Variants in PCSK5 observed in about 807,000 individuals in gnomAD.
PCSK5 encodes the protein prohormone convertase 5.
In PCSK5, 129 loss-of-function variants were observed where a neutral mutation model predicts 233.2. The observed-to-expected ratio is 0.55, with a 90% CI of 0.48 to 0.64. The LOEUF (loss-of-function observed/expected upper bound fraction) is 0.64, where lower values mean the gene tolerates loss of function less well. PCSK5 is among the 30% of genes least tolerant of loss of function. The pLI, the probability that PCSK5 is intolerant of heterozygous loss-of-function variation, is 0.00. For missense variants in PCSK5, 2,076 were observed against 2,430.1 expected, an observed-to-expected ratio of 0.85 and a Z score of 3.06; for synonymous variants, 825 against 879.2, an observed-to-expected ratio of 0.94 and a Z score of 1.09.
rs917524069 is a variant in PCSK5 at position 76,341,591 on chromosome 9, C to T, written c.4966+3144C>T. Among the ~76,000 whole-genome samples the T allele has an allele frequency of 6.6e-5, 10 of 152,284 alleles. No individual in the cohort carries two copies. The South Asian group carries it at 1.0e-3, about 16-fold the overall frequency. The stretch of plus-strand genomic sequence containing the variant: ...TTACAGGCGTGAGCCACTGCACTGG[C>T]CTGTCATCTTTCTTAGCATTCATTT... On this transcript the variant is annotated intron_variant, in intron 35 of 37. Transcript: ENST00000674117.
chr9:75,994,434 T>C (rs1826920722), intron 3 of PCSK5, among the ~76,000 whole-genome samples: 1 of 65,284 alleles, frequency 1.5e-5, no homozygotes, highest in Non-Finnish European at 3.1e-5. Context: ...TTTTTTTTTT[T>C]TTTTTTTTGA....
intron 24 of PCSK5, among the ~76,000 whole-genome samples, chr9:76,243,675 T>C (rs1312770252): frequency 6.6e-6 from 1 of 152,202 alleles, no homozygotes; most frequent in Admixed American, 6.5e-5. Context: ...TTGCTATGTA[T>C]ACACCTTTCT....
chr9:76,156,935 TGGAAAGATAGCTA>T lies in PCSK5; in HGVS notation c.1313-106_1313-94del. 4 of 723,686 alleles carry T rather than the reference TGGAAAGATAGCTA, an allele frequency of 5.5e-6. No individual in the cohort carries two copies. In the South Asian group the frequency reaches 6.4e-5, roughly 12 times the overall value. The allele number at this position is 723,686 out of a possible 1,614,324, so 44.8% of individuals were successfully genotyped here. ...CTGGATTTATTTCTCAAATCATTGC[TGGAAAGATAGCTA>T]GGATCCCATAGGGTGGTGTCTGGGG... is the stretch of plus-strand genomic sequence containing the variant. On this transcript the variant is annotated intron_variant, in intron 10 of 37. Transcript: ENST00000674117.
intron 2 of PCSK5, among the ~76,000 whole-genome samples, chr9:75,978,739 T>C (rs777492348): frequency 2.0e-5 from 3 of 152,232 alleles, no homozygotes; most frequent in Admixed American, 6.5e-5. Context: ...TCTTTTTTCA[T>C]AGAGTTTCAG....
At chr9:75,928,517 A>C (rs1210705421) in intron 1 of PCSK5, among the ~76,000 whole-genome samples, 1 of 149,108 alleles carries the variant, frequency 6.7e-6, no homozygotes, top group Non-Finnish European at 1.5e-5. Context: ...TGTTGAAAGA[A>C]TATAAAAGAT....
intron 3 of PCSK5, among the ~76,000 whole-genome samples, chr9:75,990,076 G>T (rs1826700386): frequency 1.3e-5 from 2 of 152,142 alleles, no homozygotes; most frequent in Non-Finnish European, 2.9e-5. Flanking sequence ...GTTCAAATGA[G>T]TCAAAGAAAG....
At chr9:76,334,575 A>T (rs1829625624) in intron 34 of PCSK5, among the ~76,000 whole-genome samples, 1 of 152,098 alleles carries the variant, frequency 6.6e-6, no homozygotes, top group South Asian at 2.1e-4. Context: ...TACTAAAAAT[A>T]CAAAAACTAG....
chr9:76,169,261 ATAGG>A (rs1055376139), intron 12 of PCSK5, among the ~76,000 whole-genome samples: 2 of 152,170 alleles, frequency 1.3e-5, no homozygotes, highest in Admixed American at 6.5e-5. Flanking sequence ...TCTTGTTTAA[ATAGG>A]TAGGAGGAGG....
chr9:76,344,179 C>G (rs1387899183), intron 35 of PCSK5, among the ~76,000 whole-genome samples: 1 of 152,120 alleles, frequency 6.6e-6, no homozygotes, highest in Non-Finnish European at 1.5e-5. Flanking sequence ...ACAGTAATAA[C>G]CTAGAGCAAT....
intron 35 of PCSK5, among the ~76,000 whole-genome samples, chr9:76,340,136 T>C (rs1829788441): frequency 6.6e-6 from 1 of 152,114 alleles, no homozygotes; most frequent in African/African-American, 2.4e-5. Flanking sequence ...TCATGGAAAT[T>C]TTACACTACA....
intron 20 of PCSK5, among the ~76,000 whole-genome samples, chr9:76,216,562 G>T (rs1405387416): frequency 2.6e-5 from 4 of 152,208 alleles, no homozygotes; most frequent in Admixed American, 2.0e-4. Context: ...AGCAATAGAG[G>T]AAGAGCTGAC....
At chr9:76,193,441 AG>A in intron 20 of PCSK5, 1 of 980,212 alleles carries the variant, frequency 1.0e-6, no homozygotes, top group Non-Finnish European at 1.4e-6. Context: ...AAAAAAAAAA[AG>A]CAAGCCACCT....
intron 20 of PCSK5, chr9:76,195,625 G>A (rs1587745884): frequency 2.0e-5 from 3 of 152,050 alleles, no homozygotes; most frequent in African/African-American, 7.2e-5. Context: ...TATATGTAAT[G>A]GATAGTACAA....
chr9:76,025,364 G>A (rs1161081096), intron 4 of PCSK5, among the ~76,000 whole-genome samples: 1 of 151,464 alleles, frequency 6.6e-6, no homozygotes, highest in African/African-American at 2.4e-5. Flanking sequence ...CTGGAAAACA[G>A]CAAGACCTCA....
intron 27 of PCSK5, among the ~76,000 whole-genome samples, chr9:76,300,220 T>C (rs1828561330): frequency 6.6e-6 from 1 of 152,230 alleles, no homozygotes; most frequent in Non-Finnish European, 1.5e-5. Flanking sequence ...CGTTGCCTAA[T>C]AGTCACTGAA....
chr9:76,313,995 C>A (rs1587314219), intron 30 of PCSK5, among the ~76,000 whole-genome samples: 1 of 152,206 alleles, frequency 6.6e-6, no homozygotes, highest in East Asian at 1.9e-4. Flanking sequence ...TCAGTCATTG[C>A]TTCCTCAGTG....
At chr9:76,236,887 G>C (rs17720851) in intron 22 of PCSK5, among the ~76,000 whole-genome samples, 12,591 of 152,194 alleles carry the variant, frequency 0.083, 683 homozygotes, top group Admixed American at 0.13. Context: ...TAAGATTGAT[G>C]ATCCAGTTGG....
At chr9:75,953,727 A>C (rs1792616778) in intron 2 of PCSK5, among the ~76,000 whole-genome samples, 1 of 152,038 alleles carries the variant, frequency 6.6e-6, no homozygotes. Flanking sequence ...TGCTTTACTC[A>C]TTTACTCAAT....
In PCSK5 at chr9:75,982,381, T is replaced by C. The variant is rs141160066; in HGVS notation, c.298-3751T>C. On this transcript the variant is annotated intron_variant, in intron 2 of 37. Transcript: ENST00000674117. ...CGTCCTTTTTAAAGGAATTGTTTAA[T>C]TATCCTCCATAGAGTTGTACACGTT... is the stretch of plus-strand genomic sequence containing the variant. 8.9e-3 allele frequency among the ~76,000 whole-genome samples: 1,355 copies of C among 152,342 alleles called. 20 individuals are homozygous for C. Among genetic ancestry groups the C allele is most frequent in the African/African-American group, 0.031 (1,294 of 41,574 alleles).
Sources: gnomAD v4.1 joint callset for allele counts (sites outside exome capture counted in the v4.1 genomes callset) on GRCh38, gnomAD v4.1.1 for gene constraint, MANE v1.5 for transcripts, NCBI Gene and HGNC (gene_info 2026-07-23, HGNC 2026-07-21) for gene names.